Variants in SCFD2 observed in about 807,000 individuals in gnomAD.
SCFD2 encodes the protein sec1 family domain-containing protein 2.
Under a neutral mutation model 58.9 loss-of-function variants are expected in SCFD2, and 54 were observed. The observed-to-expected ratio is 0.92, with a 90% CI of 0.74 to 1.15. SCFD2 has a LOEUF of 1.15. SCFD2 is among the 50% of genes most tolerant of loss of function. The pLI, the probability that SCFD2 is intolerant of heterozygous loss-of-function variation, is 0.00. For synonymous variants in SCFD2, 321 were observed against 335.9 expected (o/e 0.96, Z 0.49); for missense variants, 805 against 836.6 (o/e 0.96, Z 0.47).
intron 4 of SCFD2, among the ~76,000 whole-genome samples, chr4:53,219,635 C>T (rs1295730418): frequency 6.6e-6 from 1 of 151,894 alleles, no homozygotes; most frequent in Non-Finnish European, 1.5e-5. Context: ...TGGGCTGCAC[C>T]CACTGTCCTG....
chr4:53,228,254 G>A (rs1239720254), intron 4 of SCFD2, among the ~76,000 whole-genome samples: 2 of 152,098 alleles, frequency 1.3e-5, no homozygotes, highest in Non-Finnish European at 2.9e-5. Context: ...AAGACTTCAG[G>A]ATGATTTTAC....
intron 5 of SCFD2, among the ~76,000 whole-genome samples, chr4:52,981,376 C>T (rs1367140561): frequency 2.0e-5 from 3 of 152,118 alleles, no homozygotes; most frequent in South Asian, 4.1e-4. Context: ...ATACACATCC[C>T]TCTATTAATT....
At chr4:53,081,495 T>G (rs972274161) in intron 5 of SCFD2, among the ~76,000 whole-genome samples, 1 of 152,122 alleles carries the variant, frequency 6.6e-6, no homozygotes, top group Non-Finnish European at 1.5e-5. Flanking sequence ...TGAGAACATG[T>G]GGTATTTGGT....
At chr4:53,169,309 C>G (rs970107034) in intron 4 of SCFD2, among the ~76,000 whole-genome samples, 9 of 152,142 alleles carry the variant, frequency 5.9e-5, no homozygotes, top group South Asian at 4.2e-4. Flanking sequence ...TTTCAGTGAG[C>G]CGAGATGGCA....
chr4:52,926,412 G>A (rs757341571), intron 5 of SCFD2, among the ~76,000 whole-genome samples: 11 of 151,952 alleles, frequency 7.2e-5, no homozygotes, highest in Non-Finnish European at 1.3e-4. Flanking sequence ...GCACGCGTGC[G>A]CACCTGTACA....
chr4:53,107,369 C>CGATTA (rs2148881217), intron 5 of SCFD2, among the ~76,000 whole-genome samples: 1 of 152,320 alleles, frequency 6.6e-6, no homozygotes, highest in East Asian at 1.9e-4. Context: ...TAAATTCACA[C>CGATTA]ATAACGATAT....
At chr4:52,890,300 C>T (rs1302564683) in intron 7 of SCFD2, among the ~76,000 whole-genome samples, 1 of 152,154 alleles carries the variant, frequency 6.6e-6, no homozygotes, top group African/African-American at 2.4e-5. Context: ...AAAAAAGAAA[C>T]AAACTGCAAC....
intron 5 of SCFD2, among the ~76,000 whole-genome samples, chr4:52,959,664 C>T (rs1464739889): frequency 1.3e-5 from 2 of 152,180 alleles, no homozygotes; most frequent in South Asian, 2.1e-4. Flanking sequence ...GACACAGGCA[C>T]ATTCCTCCTC....
chr4:53,001,195 C>G (rs1359524615), intron 5 of SCFD2, among the ~76,000 whole-genome samples: 1 of 152,204 alleles, frequency 6.6e-6, no homozygotes, highest in Non-Finnish European at 1.5e-5. Context: ...AGGGAGCATA[C>G]AGTGGCTCCA....
At chr4:53,296,211 G>A (rs1270111980) in intron 3 of SCFD2, among the ~76,000 whole-genome samples, 1 of 152,164 alleles carries the variant, frequency 6.6e-6, no homozygotes, top group Non-Finnish European at 1.5e-5. Context: ...CAGAAGGAAT[G>A]GTACCAGCTC....
intron 4 of SCFD2, among the ~76,000 whole-genome samples, chr4:53,230,050 T>C (rs542558235): frequency 6.6e-5 from 10 of 152,202 alleles, no homozygotes; most frequent in Admixed American, 2.0e-4. Context: ...CATCAGAGAA[T>C]GCAAATCAAA....
At chr4:53,001,261 T>C (rs1022400670) in intron 5 of SCFD2, among the ~76,000 whole-genome samples, 1 of 152,172 alleles carries the variant, frequency 6.6e-6, no homozygotes, top group African/African-American at 2.4e-5. Context: ...TTTACGTTTG[T>C]AAATTGTTGT....
At chr4:53,103,975 T>G (rs572593782) in intron 5 of SCFD2, among the ~76,000 whole-genome samples, 1 of 151,108 alleles carries the variant, frequency 6.6e-6, no homozygotes, top group East Asian at 1.9e-4. Flanking sequence ...CAGTCCATAC[T>G]GATATAAATA....
At position 53,120,222 on chromosome 4, in the gene SCFD2, A is replaced by T. The variant is rs536813914; in HGVS notation, c.1561+25111T>A. ...GGGAAAAGAGACAAAAAACTAAATT[A>T]AAAAAAGTTCTTAGTGGCACATTTT... On this transcript the variant is annotated intron_variant, in intron 5 of 8. Coordinates refer to ENST00000401642, the MANE Select transcript of SCFD2 (RefSeq NM_152540.4). 5.3e-4 allele frequency among the ~76,000 whole-genome samples: 81 copies of T among 152,300 alleles called. 1 individual carries two copies. The highest frequency in any genetic ancestry group is 1.5e-3 in the African/African-American group (63 of 41,542).
At position 53,205,563 on chromosome 4, in the gene SCFD2, T is replaced by C. The variant is rs552859951; in HGVS notation, c.1312-59981A>G. On this transcript the variant is annotated intron_variant, in intron 4 of 8. Transcript: ENST00000401642. ...CCTTACACCAACATGATTCATGTTA[T>C]GAAAAAGTCAAGAACCAAAGATGAA... 3.0e-4 allele frequency among the ~76,000 whole-genome samples: 45 copies of C among 152,110 alleles called. 1 individual carries two copies. Among genetic ancestry groups the C allele is most frequent in the Middle Eastern group, 6.8e-3 (2 of 294 alleles).
Position 53,094,268 on chromosome 4 carries a change from T to C in SCFD2, c.1561+51065A>G, listed in dbSNP as rs559668232. Among the ~76,000 whole-genome samples, 4 of 152,210 alleles carry C rather than the reference T, an allele frequency of 2.6e-5. No homozygotes were observed. In the East Asian group the frequency reaches 5.8e-4, roughly 22 times the overall value. The stretch of plus-strand genomic sequence containing the variant: ...TTTGCTACGGATGCCATAACAAATA[T>C]CACAGACAGGTGCCCTAAACAACAG... On this transcript the variant is annotated intron_variant, in intron 5 of 8. Transcript: ENST00000401642.
intron 3 of SCFD2, among the ~76,000 whole-genome samples, chr4:53,285,214 A>G (rs1212704113): frequency 6.6e-6 from 1 of 152,210 alleles, no homozygotes; most frequent in Non-Finnish European, 1.5e-5. Flanking sequence ...TTCTTTGGAA[A>G]TGCAGCCTTC....
At chr4:52,881,296 G>C (rs1034288775) in intron 8 of SCFD2, among the ~76,000 whole-genome samples, 1 of 152,182 alleles carries the variant, frequency 6.6e-6, no homozygotes, top group Non-Finnish European at 1.5e-5. Context: ...GCTGATCCCC[G>C]AATGCTTTTT....
chr4:53,249,672 T>A (rs1730275731), intron 4 of SCFD2, among the ~76,000 whole-genome samples: 1 of 152,170 alleles, frequency 6.6e-6, no homozygotes, highest in Non-Finnish European at 1.5e-5. Flanking sequence ...AAGAAAAGAA[T>A]TTTCAACCCA....
Sources: gnomAD v4.1 joint callset for allele counts (sites outside exome capture counted in the v4.1 genomes callset) on GRCh38, gnomAD v4.1.1 for gene constraint, MANE v1.5 for transcripts, NCBI Gene and HGNC (gene_info 2026-07-23, HGNC 2026-07-21) for gene names.